MYL4: variants seen among roughly 807,000 people sequenced by gnomAD.
The protein encoded by MYL4 is myosin light chain 4, also known as atrial myosin light chain 1.
MYL4 carries 16 observed loss-of-function variants against 21.6 expected under a neutral mutation model. The observed-to-expected ratio is 0.74, with a 90% CI of 0.50 to 1.12. MYL4 has a LOEUF of 1.12. MYL4 is among the 50% of genes most tolerant of loss of function. The probability of loss-of-function intolerance (pLI) is 0.00; values close to 1 mark genes in which losing one functional copy is unlikely to be tolerated. For missense variants in MYL4, 249 were observed against 252.9 expected (o/e 0.98, Z 0.11); for synonymous variants, 82 against 95.7 (o/e 0.86, Z 0.83).
intron 1 of MYL4, among the ~76,000 whole-genome samples, chr17:47,212,147 C>T (rs1445563368): frequency 2.0e-5 from 3 of 151,768 alleles, no homozygotes; most frequent in Non-Finnish European, 4.4e-5. Flanking sequence ...ACTTGGGAGG[C>T]GAAGGTCGCA....
downstream of MYL4, among the ~76,000 whole-genome samples, chr17:47,225,855 CTTTTTTTT>C (rs60342000): frequency 1.3e-4 from 15 of 113,272 alleles, no homozygotes; most frequent in Non-Finnish European, 2.3e-4. Context: ...TCCTTCCCTT[CTTTTTTTT>C]TTTTTTTTTT....
At chr17:47,192,460 T>C in the MYL4 span, among the ~76,000 whole-genome samples, 13 of 151,234 alleles carry the variant, frequency 8.6e-5, no homozygotes, top group South Asian at 2.1e-3. Flanking sequence ...CCATCCTGGC[T>C]AACACAGTGA....
upstream of MYL4, among the ~76,000 whole-genome samples, chr17:47,197,092 G>GTTTTTTTTT (rs71365051): frequency 1.8e-5 from 2 of 113,356 alleles, no homozygotes; most frequent in Non-Finnish European, 3.4e-5. Flanking sequence ...TCCTTAAAGG[G>GTTTTTTTTT]TTTTTTTTTT....
intron 1 of MYL4, among the ~76,000 whole-genome samples, chr17:47,202,397 A>G (rs1296687457): frequency 6.6e-6 from 1 of 152,250 alleles, no homozygotes. Context: ...TAGATTTCAT[A>G]AAATGCACAG....
At position 47,203,829 on chromosome 17, in the gene MYL4, G is replaced by A. The variant is rs143331196; in HGVS notation, c.-35+3243G>A. On this transcript the variant is annotated intron_variant and NMD_transcript_variant, in intron 1 of 6. Coordinates refer to the MYL4 transcript ENST00000571981. ...CTGGGGGTGAATGAGCCCTAAAACC[G>A]AGAATGCTTGGCTCCCAAACTCCCA... 1.9e-3 allele frequency among the ~76,000 whole-genome samples: 293 copies of A among 152,272 alleles called. 2 individuals carry two copies. Among genetic ancestry groups the A allele is most frequent in the Middle Eastern group, 6.8e-3 (2 of 294 alleles).
intron 3 of MYL4, 22 bp downstream of exon 3, chr17:47,220,075 A>G: frequency 6.3e-7 from 1 of 1,594,024 alleles, no homozygotes; most frequent in Non-Finnish European, 8.6e-7. Context: ...TGCATGGCAG[A>G]CCTCTCCCAG....
intron 2 of MYL4, among the ~76,000 whole-genome samples, chr17:47,214,929 G>A (rs2064803302): frequency 6.6e-6 from 1 of 152,166 alleles, no homozygotes; most frequent in Non-Finnish European, 1.5e-5. Context: ...CTCACACACA[G>A]ATGTACCCTT....
chr17:47,199,552 A>G (rs73314394), upstream of MYL4, among the ~76,000 whole-genome samples: 2,460 of 152,184 alleles, frequency 0.016, 56 homozygotes, highest in African/African-American at 0.056. Context: ...TGTCTGGTGT[A>G]GAGGATGCAG....
At chr17:47,215,765 T>A (rs538208337) in intron 2 of MYL4, among the ~76,000 whole-genome samples, 2 of 152,326 alleles carry the variant, frequency 1.3e-5, no homozygotes, top group South Asian at 4.1e-4. Context: ...CTAGGTGATA[T>A]GCCTCAATTT....
At chr17:47,219,783 A>G in intron 2 of MYL4, 121 bp from the exon 3 acceptor site, 1 of 1,270,270 alleles carries the variant, frequency 7.9e-7, no homozygotes, top group Non-Finnish European at 1.1e-6. Flanking sequence ...GGACAAAGCG[A>G]AATATTGGGA....
intron 1 of MYL4, among the ~76,000 whole-genome samples, chr17:47,210,489 C>T (rs1242668935): frequency 1.4e-4 from 22 of 152,100 alleles, no homozygotes; most frequent in Admixed American, 1.4e-3. Flanking sequence ...GTATGAAGAG[C>T]TATTAATAAC....
downstream of MYL4, among the ~76,000 whole-genome samples, chr17:47,226,563 A>C (rs1344801889): frequency 6.6e-6 from 1 of 152,276 alleles, no homozygotes; most frequent in Non-Finnish European, 1.5e-5. Context: ...ATGTGACAAC[A>C]TCAGCCAACA....
At chr17:47,225,417 A>G (rs947013213), downstream of MYL4, among the ~76,000 whole-genome samples, 1 of 152,076 alleles carries the variant, frequency 6.6e-6, no homozygotes, top group African/African-American at 2.4e-5. Context: ...GTTCGAACTA[A>G]ATTTTATGGG....
the MYL4 span, among the ~76,000 whole-genome samples, chr17:47,190,666 A>G: frequency 6.6e-6 from 1 of 152,334 alleles, no homozygotes; most frequent in South Asian, 2.1e-4. Context: ...GCAGGTGCTA[A>G]GATGATTTTT....
At chr17:47,209,848 C>T (rs1311763871) in intron 1 of MYL4, 1 of 540,866 alleles carries the variant, frequency 1.8e-6, no homozygotes, top group African/African-American at 1.9e-5. Flanking sequence ...ACCAACCATC[C>T]ATCCACCCTT....
chr17:47,197,262 C>G (rs2064692679), upstream of MYL4, among the ~76,000 whole-genome samples: 1 of 151,994 alleles, frequency 6.6e-6, no homozygotes, highest in South Asian at 2.1e-4. Context: ...CCACGCCTGG[C>G]TAATTTTTTG....
intron 1 of MYL4, 93 bp from the exon 2 acceptor site, chr17:47,213,706 A>G: frequency 7.5e-7 from 1 of 1,336,066 alleles, no homozygotes. Context: ...GCCATACTGC[A>G]TTGGAAGCCA....
intron 1 of MYL4, among the ~76,000 whole-genome samples, chr17:47,203,337 T>C (rs1303244042): frequency 1.3e-5 from 2 of 152,056 alleles, no homozygotes; most frequent in Non-Finnish European, 2.9e-5. Flanking sequence ...TGTTTTCTAT[T>C]TCTTTGCCCT....
At chr17:47,207,277 G>C (rs143691626), upstream of MYL4, among the ~76,000 whole-genome samples, 1 of 152,182 alleles carries the variant, frequency 6.6e-6, no homozygotes, top group African/African-American at 2.4e-5. Context: ...GCTACAGGAG[G>C]AGCAGTGAAG....
Sources: gnomAD v4.1 joint callset for allele counts (sites outside exome capture counted in the v4.1 genomes callset) on GRCh38, gnomAD v4.1.1 for gene constraint, MANE v1.5 for transcripts, NCBI Gene and HGNC (gene_info 2026-07-23, HGNC 2026-07-21) for gene names.